Variants in METTL15 observed in about 807,000 individuals in gnomAD.
METTL15 encodes methyltransferase 15, mitochondrial 12S rRNA N4-cytidine.
Under a neutral mutation model 38.3 loss-of-function variants are expected in METTL15, and 34 were observed. That is an observed-to-expected ratio of 0.89 (90% CI 0.68 to 1.18). METTL15 has a LOEUF of 1.18. Among genes scored for constraint, METTL15 ranks in the 50% most tolerant of loss-of-function variants. The pLI, the probability that METTL15 is intolerant of heterozygous loss-of-function variation, is 0.00. For missense variants in METTL15, 438 were observed against 498.4 expected (o/e 0.88, Z 1.15); for synonymous variants, 162 against 170.9 (o/e 0.95, Z 0.41).
intron 6 of METTL15, among the ~76,000 whole-genome samples, chr11:28,298,078 C>A (rs1288395251): frequency 6.6e-6 from 1 of 151,924 alleles, no homozygotes; most frequent in Non-Finnish European, 1.5e-5. Flanking sequence ...TTTGAACTTA[C>A]CATTGAGATT....
intron 5 of METTL15, among the ~76,000 whole-genome samples, chr11:28,362,211 C>T (rs1261437357): frequency 6.6e-6 from 1 of 152,032 alleles, no homozygotes; most frequent in Non-Finnish European, 1.5e-5. Context: ...AACAAACAGT[C>T]CTGATTGTGA....
At chr11:28,457,517 G>T (rs1049546065) in intron 6 of METTL15, among the ~76,000 whole-genome samples, 1 of 152,030 alleles carries the variant, frequency 6.6e-6, no homozygotes, top group African/African-American at 2.4e-5. Flanking sequence ...AGGTTGATAG[G>T]GCAAAAATTT....
At chr11:28,370,306 G>GCAATATTC in intron 5 of METTL15, among the ~76,000 whole-genome samples, 1 of 151,684 alleles carries the variant, frequency 6.6e-6, no homozygotes, top group Admixed American at 6.6e-5. Flanking sequence ...GTGAGAACAT[G>GCAATATTC]CAATATTTGT....
intron 5 of METTL15, among the ~76,000 whole-genome samples, chr11:28,394,297 G>C (rs1329448781): frequency 6.6e-6 from 1 of 152,088 alleles, no homozygotes; most frequent in African/African-American, 2.4e-5. Context: ...CTCCATAAGG[G>C]AAGTTAAGAA....
chr11:28,478,448 C>G (rs567873971), intron 6 of METTL15, among the ~76,000 whole-genome samples: 1 of 152,332 alleles, frequency 6.6e-6, no homozygotes, highest in South Asian at 2.1e-4. Context: ...TCTGTGGCCT[C>G]AATCGTGGTG....
In METTL15 at chr11:28,512,694, G is replaced by A. The variant is rs75318886; in HGVS notation, c.*425-13784G>A. On this transcript the variant is annotated intron_variant and NMD_transcript_variant, in intron 6 of 7. Transcript: ENST00000532947. ...GCCCGTAAGTGCCACGCACAGCCCC[G>A]GTTCCCTCTCGCGCCTCTCCCTCCA... Among the ~76,000 whole-genome samples, 1,226 of 152,172 alleles carry A rather than the reference G, an allele frequency of 8.1e-3. 14 individuals carry two copies. The highest frequency in any genetic ancestry group is 0.026 in the African/African-American group (1,082 of 41,508).
chr11:28,373,941 G>C (rs970321013), intron 5 of METTL15, among the ~76,000 whole-genome samples: 4 of 152,100 alleles, frequency 2.6e-5, no homozygotes, highest in African/African-American at 9.7e-5. Flanking sequence ...CCCATTGCTT[G>C]TTTTTGTCAG....
intron 4 of METTL15, among the ~76,000 whole-genome samples, chr11:28,250,262 TG>T (rs1854685143): frequency 6.6e-6 from 1 of 152,096 alleles, no homozygotes; most frequent in African/African-American, 2.4e-5. Context: ...CTGTGTTGAA[TG>T]ATAATTCTGT....
intron 6 of METTL15, among the ~76,000 whole-genome samples, chr11:28,323,047 T>TTCTTTAA (rs1849522049): frequency 1.3e-5 from 2 of 152,160 alleles, no homozygotes; most frequent in African/African-American, 4.8e-5. Context: ...TATATGCACA[T>TTCTTTAA]ATACACCTAT....
intron 4 of METTL15, among the ~76,000 whole-genome samples, chr11:28,361,452 C>A (rs1000930534): frequency 6.6e-6 from 1 of 152,078 alleles, no homozygotes; most frequent in East Asian, 1.9e-4. Context: ...TTTGAGAACA[C>A]CCTACCTAAT....
intron 4 of METTL15, among the ~76,000 whole-genome samples, chr11:28,274,490 A>G (rs1373373362): frequency 6.6e-6 from 1 of 152,026 alleles, no homozygotes; most frequent in African/African-American, 2.4e-5. Flanking sequence ...GGCTAAGGAA[A>G]GACATAGTAT....
chr11:28,326,004 A>C (rs1032391624), intron 6 of METTL15, among the ~76,000 whole-genome samples: 3 of 152,256 alleles, frequency 2.0e-5, no homozygotes, highest in Non-Finnish European at 4.4e-5. Flanking sequence ...ATTTTCTCTC[A>C]TCAAACCTAA....
At chr11:28,414,702 CTA>C (rs1053904591) in intron 5 of METTL15, among the ~76,000 whole-genome samples, 17 of 152,120 alleles carry the variant, frequency 1.1e-4, no homozygotes, top group African/African-American at 3.9e-4. Flanking sequence ...AAATAGGAAA[CTA>C]GACAAATCTT....
intron 5 of METTL15, among the ~76,000 whole-genome samples, chr11:28,409,740 A>G (rs1279225105): frequency 1.3e-5 from 2 of 152,170 alleles, no homozygotes; most frequent in Non-Finnish European, 2.9e-5. Context: ...AGAAAAAGAA[A>G]AACAGACTTA....
intron 6 of METTL15, among the ~76,000 whole-genome samples, chr11:28,523,664 A>C (rs750559087): frequency 7.9e-5 from 12 of 152,242 alleles, no homozygotes; most frequent in Non-Finnish European, 1.5e-4. Flanking sequence ...TCTACATATA[A>C]CAAACATTTA....
intron 4 of METTL15, among the ~76,000 whole-genome samples, chr11:28,266,869 G>A (rs7933326): frequency 0.29 from 43,564 of 152,026 alleles, 7,055 homozygotes; most frequent in African/African-American, 0.43. Flanking sequence ...TTACAAAGAA[G>A]GAAGAATTGG....
chr11:28,251,168 G>A (rs1272753006), intron 4 of METTL15, among the ~76,000 whole-genome samples: 4 of 152,130 alleles, frequency 2.6e-5, no homozygotes, highest in East Asian at 3.9e-4. Flanking sequence ...AATTTGAAGA[G>A]ATGGCAAAAT....
intron 3 of METTL15, among the ~76,000 whole-genome samples, chr11:28,117,699 T>C (rs1852034444): frequency 6.6e-6 from 1 of 152,192 alleles, no homozygotes; most frequent in African/African-American, 2.4e-5. Flanking sequence ...CTAAAAACTT[T>C]CTTGTGAGGT....
intron 5 of METTL15, among the ~76,000 whole-genome samples, chr11:28,409,151 G>A (rs914941655): frequency 6.6e-6 from 1 of 152,050 alleles, no homozygotes; most frequent in African/African-American, 2.4e-5. Flanking sequence ...GGGAGGCTGA[G>A]GTGGGCGGAT....
Sources: gnomAD v4.1 joint callset for allele counts (sites outside exome capture counted in the v4.1 genomes callset) on GRCh38, gnomAD v4.1.1 for gene constraint, MANE v1.5 for transcripts, NCBI Gene and HGNC (gene_info 2026-07-23, HGNC 2026-07-21) for gene names.